The following PRKCB variants were observed in gnomAD, a reference collection of about 807,000 sequenced individuals.
PRKCB encodes protein kinase C beta, also known as protein kinase C beta type.
Under a neutral mutation model 81.5 loss-of-function variants are expected in PRKCB, and 13 were observed. That is an observed-to-expected ratio of 0.16 (90% CI 0.10 to 0.25). The LOEUF (loss-of-function observed/expected upper bound fraction) is 0.25. Among genes scored for constraint, PRKCB ranks in the 10% least tolerant of loss-of-function variants. The pLI, the probability that PRKCB is intolerant of heterozygous loss-of-function variation, is 1.00. For missense variants in PRKCB, 509 were observed against 875.7 expected, an observed-to-expected ratio of 0.58 and a Z score of 5.29; for synonymous variants, 335 against 321.4, an observed-to-expected ratio of 1.04 and a Z score of -0.45.
chr16:24,204,353 T>A (rs537141406), intron 16 of PRKCB, among the ~76,000 whole-genome samples: 1 of 152,176 alleles, frequency 6.6e-6, no homozygotes, highest in African/African-American at 2.4e-5. Flanking sequence ...GGAAAGCCCA[T>A]GGGCTTTGGA....
intron 7 of PRKCB, chr16:24,098,469 G>A (rs1966468074): frequency 6.6e-6 from 1 of 152,212 alleles, no homozygotes; most frequent in African/African-American, 2.4e-5. Flanking sequence ...AAAGATTTTG[G>A]CCAGGCATGG....
At chr16:24,163,888 A>C (rs1034572181) in intron 10 of PRKCB, among the ~76,000 whole-genome samples, 1 of 152,232 alleles carries the variant, frequency 6.6e-6, no homozygotes, top group Non-Finnish European at 1.5e-5. Context: ...TATAACTGTG[A>C]CTAGAACCCA....
Position 24,020,001 on chromosome 16 carries a change from C to T in PRKCB, c.289-12135C>T, listed in dbSNP as rs145298341. Among the ~76,000 whole-genome samples, 382 of 152,172 alleles carry T rather than the reference C, an allele frequency of 2.5e-3. 5 individuals are homozygous for T. The highest frequency in any genetic ancestry group is 3.6e-3 in the Non-Finnish European group (248 of 68,020). On this transcript the variant is annotated intron_variant, in intron 3 of 16. Coordinates refer to ENST00000643927, the MANE Select transcript of PRKCB (RefSeq NM_002738.7). ...TGCAGGTTATTTTACCTTCGTCCAA[C>T]GTGATGGAGTGAAAGGTGAAAAGAA...
intron 15 of PRKCB, among the ~76,000 whole-genome samples, chr16:24,187,028 G>T (rs773780956): frequency 4.6e-5 from 7 of 152,140 alleles, no homozygotes; most frequent in Non-Finnish European, 8.8e-5. Context: ...AGGCACACAC[G>T]AAGGCCTCCA....
At chr16:24,082,473 C>T (rs1457086412) in intron 5 of PRKCB, among the ~76,000 whole-genome samples, 1 of 152,148 alleles carries the variant, frequency 6.6e-6, no homozygotes, top group Non-Finnish European at 1.5e-5. Context: ...CTATATAAAG[C>T]TTCAGTAATC....
Position 24,219,551 on chromosome 16 carries a change from T to C in PRKCB, c.*4735T>C. On this transcript the variant is annotated 3_prime_UTR_variant, in exon 17 of 17. Transcript: ENST00000643927. ...TCTAGCCACCTGGGCTGCTACTGAA[T>C]GGTTTTCTCCAGGACGCTCTACCTA... 1 of 990,352 alleles carries C rather than the reference T, an allele frequency of 1.0e-6. No individual in the cohort carries two copies. Among genetic ancestry groups the C allele is most frequent in the Non-Finnish European group, 1.2e-6 (1 of 833,138 alleles). 61.3% of individuals were successfully genotyped at this position (990,352 alleles called of 1,614,324 possible).
At chr16:23,865,862 C>G (rs1156823160) in intron 2 of PRKCB, among the ~76,000 whole-genome samples, 1 of 151,900 alleles carries the variant, frequency 6.6e-6, no homozygotes, top group Non-Finnish European at 1.5e-5. Context: ...AGGGAGGCCT[C>G]TCTCTGGATG....
intron 2 of PRKCB, among the ~76,000 whole-genome samples, chr16:23,926,509 T>A (rs926552045): frequency 6.0e-5 from 9 of 151,212 alleles, no homozygotes; most frequent in African/African-American, 1.7e-4. Context: ...AATAAATAAA[T>A]AAAAATAAAA....
intron 16 of PRKCB, among the ~76,000 whole-genome samples, chr16:24,193,451 A>ATAAATAAATAAATAAAT (rs1967825345): frequency 4.0e-4 from 3 of 7,468 alleles, no homozygotes; most frequent in African/African-American, 2.3e-3. Context: ...TCTCAAATAA[A>ATAAATAAATAAATAAAT]TAAATAAATA....
chr16:24,164,664 A>G (rs1377962395), intron 10 of PRKCB, among the ~76,000 whole-genome samples: 1 of 152,202 alleles, frequency 6.6e-6, no homozygotes, highest in Non-Finnish European at 1.5e-5. Context: ...ATAGAAATAT[A>G]AGTCAAGACT....
chr16:23,912,616 G>A (rs1410818771), intron 2 of PRKCB, among the ~76,000 whole-genome samples: 2 of 132,840 alleles, frequency 1.5e-5, no homozygotes, highest in Non-Finnish European at 3.1e-5. Flanking sequence ...GGGTTCCAGC[G>A]ATTCTCCTGC....
At chr16:23,968,040 C>T (rs1225129485) in intron 2 of PRKCB, among the ~76,000 whole-genome samples, 1 of 152,172 alleles carries the variant, frequency 6.6e-6, no homozygotes, top group Non-Finnish European at 1.5e-5. Flanking sequence ...TCCCCAAGCC[C>T]CACCACTCCC....
chr16:24,185,220 G>A, intron 14 of PRKCB, 29 bp downstream of exon 14: 1 of 1,588,838 alleles, frequency 6.3e-7, no homozygotes, highest in Non-Finnish European at 8.6e-7. Flanking sequence ...ATCGATAAGA[G>A]AAGTCCTCCC....
chr16:24,008,025 G>A (rs372499063), intron 3 of PRKCB, among the ~76,000 whole-genome samples: 54 of 147,826 alleles, frequency 3.7e-4, no homozygotes, highest in African/African-American at 1.2e-3. Flanking sequence ...AAAACTAAGA[G>A]CCAGCATTTA....
At chr16:24,151,115 A>T (rs406557) in intron 9 of PRKCB, among the ~76,000 whole-genome samples, 48,338 of 152,110 alleles carry the variant, frequency 0.32, 7,805 homozygotes, top group South Asian at 0.44. Flanking sequence ...AAATCACGTT[A>T]TGATAAGGTT....
intron 9 of PRKCB, among the ~76,000 whole-genome samples, chr16:24,140,118 G>T (rs769403988): frequency 1.3e-5 from 2 of 152,216 alleles, no homozygotes; most frequent in African/African-American, 4.8e-5. Flanking sequence ...CTTCGCATCA[G>T]ACTGATGTGG....
chr16:24,062,965 T>A (rs1371819494), intron 5 of PRKCB, among the ~76,000 whole-genome samples: 5 of 151,868 alleles, frequency 3.3e-5, no homozygotes, highest in African/African-American at 1.2e-4. Context: ...GTAAGAGGCA[T>A]TGATTGGCAA....
At chr16:24,088,948 G>C (rs1966342892) in intron 5 of PRKCB, among the ~76,000 whole-genome samples, 1 of 152,074 alleles carries the variant, frequency 6.6e-6, no homozygotes, top group Non-Finnish European at 1.5e-5. Context: ...GTTTCCTCTT[G>C]CCTCTGTGTT....
At chr16:23,866,881 G>A (rs1382464421) in intron 2 of PRKCB, among the ~76,000 whole-genome samples, 1 of 151,974 alleles carries the variant, frequency 6.6e-6, no homozygotes, top group African/African-American at 2.4e-5. Flanking sequence ...GGAGAAAAAT[G>A]GCATTTAATT....
Sources: allele counts gnomAD v4.1 joint callset (sites outside exome capture counted in the v4.1 genomes callset), GRCh38; gene constraint gnomAD v4.1.1; transcripts MANE v1.5; gene names NCBI Gene and HGNC (gene_info 2026-07-23, HGNC 2026-07-21).